The following FMN1 variants were observed in gnomAD, a reference collection of about 807,000 sequenced individuals.
The protein encoded by FMN1 is formin 1.
Under a neutral mutation model 132.4 loss-of-function variants are expected in FMN1, and 110 were observed. That is an observed-to-expected ratio of 0.83 (90% CI 0.71 to 0.97). The LOEUF is 0.97. Among genes scored for constraint, FMN1 ranks in the 50% least tolerant of loss-of-function variants. The pLI, the probability that FMN1 is intolerant of heterozygous loss-of-function variation, is 0.00. For synonymous variants in FMN1, 722 were observed against 651.7 expected, an observed-to-expected ratio of 1.11 and a Z score of -1.64; for missense variants, 1,792 against 1,705.3, an observed-to-expected ratio of 1.05 and a Z score of -0.90.
intron 17 of FMN1, among the ~76,000 whole-genome samples, chr15:32,827,761 G>A (rs902323587): frequency 6.6e-6 from 1 of 151,800 alleles, no homozygotes; most frequent in Non-Finnish European, 1.5e-5. Flanking sequence ...GGAGAATGGC[G>A]TGAGTCCAGG....
At chr15:32,932,985 T>C (rs1017078200) in intron 9 of FMN1, among the ~76,000 whole-genome samples, 10 of 152,150 alleles carry the variant, frequency 6.6e-5, no homozygotes, top group Non-Finnish European at 1.5e-4. Flanking sequence ...TCTATTTTGC[T>C]TTTTTTCTGC....
At chr15:33,194,398 C>T (rs1486216064) in intron 1 of FMN1, among the ~76,000 whole-genome samples, 180 bp downstream of exon 1, 1 of 151,494 alleles carries the variant, frequency 6.6e-6, no homozygotes, top group Admixed American at 6.6e-5. Flanking sequence ...TTGGGAGCAG[C>T]TTGGTGGGGG....
At chr15:32,969,708 G>A (rs752471031) in intron 7 of FMN1, among the ~76,000 whole-genome samples, 32 of 152,214 alleles carry the variant, frequency 2.1e-4, no homozygotes, top group Non-Finnish European at 4.3e-4. Flanking sequence ...CTGAGCTCAC[G>A]GGAGATAATT....
At chr15:33,064,353 G>A (rs141212983) in intron 6 of FMN1, 6 of 152,244 alleles carry the variant, frequency 3.9e-5, no homozygotes, top group African/African-American at 1.2e-4. Flanking sequence ...TACAGTTCAC[G>A]TGAAACTTCC....
chr15:33,175,167 AG>A (rs1965473324), intron 3 of FMN1, among the ~76,000 whole-genome samples: 1 of 152,142 alleles, frequency 6.6e-6, no homozygotes, highest in African/African-American at 2.4e-5. Context: ...CTGGGACTAC[AG>A]GGGCATACCA....
intron 3 of FMN1, among the ~76,000 whole-genome samples, chr15:33,176,059 G>A (rs1189408812): frequency 6.6e-6 from 1 of 152,124 alleles, no homozygotes; most frequent in Non-Finnish European, 1.5e-5. Flanking sequence ...AAAGCAAATG[G>A]TACATTTTCC....
chr15:32,821,744 C>T (rs970426227), intron 17 of FMN1, among the ~76,000 whole-genome samples: 16 of 152,088 alleles, frequency 1.1e-4, no homozygotes, highest in Non-Finnish European at 1.8e-4. Context: ...GCCACCACAT[C>T]CGGCTAATAC....
intron 4 of FMN1, among the ~76,000 whole-genome samples, chr15:33,115,252 G>C (rs981633546): frequency 2.6e-5 from 4 of 152,172 alleles, no homozygotes; most frequent in African/African-American, 9.7e-5. Context: ...TGTCCTATAA[G>C]GAGGGTGGGA....
At chr15:32,837,754 C>A (rs1432459088) in intron 17 of FMN1, among the ~76,000 whole-genome samples, 1 of 152,148 alleles carries the variant, frequency 6.6e-6, no homozygotes, top group Non-Finnish European at 1.5e-5. Context: ...TCTGATTCTT[C>A]TTTTTTTCCT....
intron 6 of FMN1, among the ~76,000 whole-genome samples, chr15:33,022,873 T>C (rs1239888664): frequency 2.0e-5 from 3 of 151,584 alleles, no homozygotes; most frequent in Non-Finnish European, 4.4e-5. Context: ...TTGGAAGAGG[T>C]TGTCAACTGC....
At chr15:32,835,123 G>C (rs1192263245) in intron 17 of FMN1, among the ~76,000 whole-genome samples, 4 of 152,150 alleles carry the variant, frequency 2.6e-5, no homozygotes, top group Admixed American at 6.5e-5. Flanking sequence ...GGCTGCTAGT[G>C]AGCAGGCCCA....
chr15:32,858,559 T>G (rs2059189098), intron 16 of FMN1, among the ~76,000 whole-genome samples: 1 of 152,220 alleles, frequency 6.6e-6, no homozygotes, highest in Non-Finnish European at 1.5e-5. Flanking sequence ...CTATTGACAT[T>G]GTTTCTTAAA....
At chr15:33,110,012 G>A (rs1028365238) in intron 4 of FMN1, among the ~76,000 whole-genome samples, 4 of 152,010 alleles carry the variant, frequency 2.6e-5, no homozygotes, top group African/African-American at 7.2e-5. Flanking sequence ...ATACATAAAT[G>A]GGTAAGTGCA....
At chr15:32,935,778 C>T (rs1254285630) in intron 9 of FMN1, among the ~76,000 whole-genome samples, 1 of 152,070 alleles carries the variant, frequency 6.6e-6, no homozygotes, top group African/African-American at 2.4e-5. Context: ...CAGGCGTGCG[C>T]CACCCCACAC....
chr15:32,882,962 T>A (rs1332554801), intron 16 of FMN1, among the ~76,000 whole-genome samples: 10 of 152,252 alleles, frequency 6.6e-5, no homozygotes, highest in African/African-American at 2.4e-4. Context: ...AGAGCCAGCA[T>A]GGCTGTAAGA....
At position 32,921,892 on chromosome 15, in the gene FMN1, C is replaced by T. The variant is rs536349871; in HGVS notation, c.3226+4282G>A. The stretch of plus-strand genomic sequence containing the variant: ...TTCGCCATGTTGGCCAGGTTGGTCT[C>T]GAACTCCTGGGCTCAAGCAATCCAC... On this transcript the variant is annotated intron_variant, in intron 10 of 20. Coordinates refer to ENST00000616417, the MANE Select transcript of FMN1 (RefSeq NM_001277313.2). Among the ~76,000 whole-genome samples the T allele has an allele frequency of 9.2e-5, 14 of 152,098 alleles. No homozygotes were observed. The East Asian group carries it at 9.7e-4, about 11-fold the overall frequency.
At chr15:32,899,874 G>T in intron 14 of FMN1, 105 bp downstream of exon 14, 1 of 1,088,858 alleles carries the variant, frequency 9.2e-7, no homozygotes, top group Non-Finnish European at 1.3e-6. Flanking sequence ...GTTGTTAAGG[G>T]GAGGATAGAG....
chr15:32,873,997 T>G (rs1018525374), intron 16 of FMN1, among the ~76,000 whole-genome samples: 11 of 151,106 alleles, frequency 7.3e-5, no homozygotes, highest in African/African-American at 2.7e-4. Flanking sequence ...TTGGTTATGA[T>G]TCACAATTTT....
intron 4 of FMN1, among the ~76,000 whole-genome samples, chr15:33,092,649 C>T (rs903909042): frequency 3.3e-5 from 5 of 152,246 alleles, no homozygotes; most frequent in Non-Finnish European, 5.9e-5. Flanking sequence ...CAGGCCCAAT[C>T]GAGTGAACCT....
Sources: gnomAD v4.1 joint callset for allele counts (sites outside exome capture counted in the v4.1 genomes callset) on GRCh38, gnomAD v4.1.1 for gene constraint, MANE v1.5 for transcripts, NCBI Gene and HGNC (gene_info 2026-07-23, HGNC 2026-07-21) for gene names.